Variants in FLVCR1 observed in about 807,000 individuals in gnomAD.
The protein encoded by FLVCR1 is FLVCR choline and heme transporter 1, also known as choline/ethanolamine transporter FLVCR1.
In FLVCR1, 34 loss-of-function variants were observed where a neutral mutation model predicts 53.6. The observed-to-expected ratio is 0.63, with a 90% CI of 0.48 to 0.84. The LOEUF is 0.84. Ranked by LOEUF, FLVCR1 falls within the 40% of genes least tolerant of loss-of-function variation. The pLI is 0.00. For missense variants in FLVCR1, 677 were observed against 696.7 expected, an observed-to-expected ratio of 0.97 and a Z score of 0.32; for synonymous variants, 300 against 286.3, an observed-to-expected ratio of 1.05 and a Z score of -0.48.
chr1:212,883,632 A>G (rs1237865574), intron 4 of FLVCR1, among the ~76,000 whole-genome samples, 194 bp downstream of exon 4: 2 of 152,210 alleles, frequency 1.3e-5, no homozygotes, highest in African/African-American at 4.8e-5. Flanking sequence ...GGCTTTTATT[A>G]TCAATTCGTT....
At chr1:212,893,128 T>G (rs2102574696) in intron 8 of FLVCR1, among the ~76,000 whole-genome samples, 1 of 150,814 alleles carries the variant, frequency 6.6e-6, no homozygotes, top group South Asian at 2.1e-4. Flanking sequence ...TGATCTCGGC[T>G]CACAGCAAGC....
chr1:212,877,167 G>A (rs1445838189), intron 3 of FLVCR1, among the ~76,000 whole-genome samples: 3 of 129,708 alleles, frequency 2.3e-5, no homozygotes, highest in Admixed American at 9.6e-5. Context: ...AGAGAGTCTC[G>A]CTCTGTCGCC....
intron 8 of FLVCR1, among the ~76,000 whole-genome samples, chr1:212,894,329 GT>G: frequency 6.6e-6 from 1 of 151,742 alleles, no homozygotes; most frequent in South Asian, 2.1e-4. Context: ...AATTTTTTGT[GT>G]TTTTAGTAGA....
At chr1:212,890,898 T>C (rs1665174849) in intron 8 of FLVCR1, among the ~76,000 whole-genome samples, 1 of 152,236 alleles carries the variant, frequency 6.6e-6, no homozygotes, top group Non-Finnish European at 1.5e-5. Flanking sequence ...GATAGGAACC[T>C]GAGCATTCAT....
At chr1:212,886,396 T>A (rs1407059754) in intron 5 of FLVCR1, among the ~76,000 whole-genome samples, 2 of 152,184 alleles carry the variant, frequency 1.3e-5, no homozygotes, top group African/African-American at 4.8e-5. Flanking sequence ...AAAAAGTAGT[T>A]CTTTCCAATC....
In FLVCR1 at chr1:212,865,912, T is replaced by C. The variant is rs534753076; in HGVS notation, c.883+2043T>C. Reference sequence around the variant, plus strand: ...CTCACTGCAATCTCTGCCTCCTGGGTTCAAGCAGTTCTCGTGCCTCAGCCT... The same window carrying C: ...CTCACTGCAATCTCTGCCTCCTGGGCTCAAGCAGTTCTCGTGCCTCAGCCT... On this transcript the variant is annotated intron_variant, in intron 2 of 9. Coordinates refer to ENST00000366971, the MANE Select transcript of FLVCR1 (RefSeq NM_014053.4). Among the ~76,000 whole-genome samples, 16 of 74,524 alleles carry C rather than the reference T, an allele frequency of 2.1e-4. 1 individual carries two copies. The highest frequency in any genetic ancestry group is 5.5e-4 in the African/African-American group (16 of 28,856). The allele number at this position is 74,524 out of a possible 152,430, so 48.9% of individuals were successfully genotyped here.
In FLVCR1 at chr1:212,887,973, A is replaced by G. The variant is rs755419588; in HGVS notation, c.1279A>G (p.Ile427Val). 11 of 1,598,946 alleles carry G rather than the reference A, an allele frequency of 6.9e-6. No individual in the cohort carries two copies. Among genetic ancestry groups the G allele is most frequent in the Admixed American group, 1.7e-5 (1 of 59,976 alleles). ...CACATTGGACCTTAGATATATTATC[A>G]TCGTGTTTGTTACTGGAGGGGTGCT... ...TFTLDLRYII[I>V]VFVTGGVLGF... Residue 427 changes from isoleucine (I) to valine (V), a missense_variant, in exon 6 of 10, where the codon ATC (isoleucine) becomes GTC (valine). Ile to Val is a conservative substitution (Grantham distance 29, BLOSUM62 3). Coordinates refer to ENST00000366971, the MANE Select transcript of FLVCR1 (RefSeq NM_014053.4).
chr1:212,875,441 A>G (rs1664725707), intron 3 of FLVCR1, among the ~76,000 whole-genome samples: 2 of 152,166 alleles, frequency 1.3e-5, no homozygotes, highest in Non-Finnish European at 2.9e-5. Context: ...TTGGATTTGA[A>G]TAGACAAAGG....
At chr1:212,861,733 G>A (rs142755274) in intron 1 of FLVCR1, among the ~76,000 whole-genome samples, 3,290 of 151,874 alleles carry the variant, frequency 0.022, 57 homozygotes, top group Middle Eastern at 0.034. Flanking sequence ...GCAGTGGCGC[G>A]ATCTTGGCTC....
chr1:212,859,245 A>T, intron 1 of FLVCR1, 55 bp downstream of exon 1: 1 of 1,613,064 alleles, frequency 6.2e-7, no homozygotes, highest in East Asian at 2.2e-5. Flanking sequence ...GGAAAAAGTC[A>T]TAGGCCGTGA....
intron 2 of FLVCR1, among the ~76,000 whole-genome samples, 170 bp downstream of exon 2, chr1:212,864,039 G>A (rs1205994282): frequency 6.6e-6 from 1 of 152,080 alleles, no homozygotes; most frequent in East Asian, 1.9e-4. Context: ...GGATGTTATG[G>A]CCCACTACAT....
intron 3 of FLVCR1, among the ~76,000 whole-genome samples, chr1:212,874,092 C>G (rs923837425): frequency 1.3e-5 from 2 of 152,178 alleles, no homozygotes; most frequent in Non-Finnish European, 2.9e-5. Flanking sequence ...ATTGCAACCT[C>G]TGCCTCCCGG....
intron 8 of FLVCR1, among the ~76,000 whole-genome samples, chr1:212,891,343 CTG>C: frequency 6.6e-6 from 1 of 151,404 alleles, no homozygotes; most frequent in East Asian, 2.0e-4. Context: ...ATCTGGGAGG[CTG>C]AGGCAGAAGA....
rs780815502 is a variant in FLVCR1, at chr1:212,896,154, G to C, written c.*864G>C. On this transcript the variant is annotated 3_prime_UTR_variant, in exon 10 of 10. Transcript: ENST00000366971. The stretch of plus-strand genomic sequence containing the variant: ...TCTCTTTTTTTTTTTTTCCTGATGT[G>C]TAACTTTCTAGTAAGATAATTTCAT... The C allele has an allele frequency of 3.5e-5, 5 of 143,890 alleles. No individual in the cohort carries two copies. Among genetic ancestry groups the C allele is most frequent in the Non-Finnish European group, 7.6e-5 (5 of 66,110 alleles). The allele number at this position is 143,890 out of a possible 1,614,324, so 8.9% of individuals were successfully genotyped here. A position where few individuals can be genotyped will look rare whatever the true frequency, so the allele number is the denominator to read the frequency against.
At chr1:212,875,381 CGG>C (rs1016259471) in intron 3 of FLVCR1, among the ~76,000 whole-genome samples, 5 of 152,078 alleles carry the variant, frequency 3.3e-5, no homozygotes, top group Admixed American at 3.3e-4. Flanking sequence ...TAGGGATGGC[CGG>C]GAGAGTCTCA....
In FLVCR1 at chr1:212,897,952, T is replaced by A. The variant is rs1665384146; in HGVS notation, c.*2662T>A. The stretch of plus-strand genomic sequence containing the variant: ...ATTGAAATTATAACATTCTCTATAA[T>A]CAAGTGACTGTAAATTATGTCGAAT... On this transcript the variant is annotated 3_prime_UTR_variant, in exon 10 of 10. Transcript: ENST00000366971. The A allele has an allele frequency of 6.6e-6, 1 of 152,186 alleles. No individual in the cohort carries two copies. The highest frequency in any genetic ancestry group is 2.1e-4 in the South Asian group (1 of 4,826). 9.4% of individuals were successfully genotyped at this position (152,186 alleles called of 1,614,324 possible).
Position 212,872,731 on chromosome 1 carries a change from G to T in FLVCR1, c.937G>T (p.Asp313Tyr), listed in dbSNP as rs139175550. The T allele has an allele frequency of 6.2e-7, 1 of 1,613,776 alleles. No individual in the cohort carries two copies. The highest frequency in any genetic ancestry group is 8.5e-7 in the Non-Finnish European group (1 of 1,179,862). ...PPSQAQAALQDSPPEEYSYKK... is the reference protein window; with the variant it reads ...PPSQAQAALQYSPPEEYSYKK... Reference sequence around the variant, plus strand: ...AAGTCAGGCTCAAGCAGCTCTTCAAGACAGTCCCCCTGAAGAGTACTCCTA... The same window carrying T: ...AAGTCAGGCTCAAGCAGCTCTTCAATACAGTCCCCCTGAAGAGTACTCCTA... The change falls in exon 3 of 10, where the codon GAC becomes TAC. Residue 313 changes from aspartate (D) to tyrosine (Y), a missense_variant. Transcript: ENST00000366971.
chr1:212,895,800 C>A lies in FLVCR1; in HGVS notation c.*510C>A, dbSNP rs1665318989. On this transcript the variant is annotated 3_prime_UTR_variant, in exon 10 of 10. Transcript: ENST00000366971. ...GCCACTTCAGTTTGAGTACAACATA[C>A]CAACATGACACTACTCACCCACAAA... is the stretch of plus-strand genomic sequence containing the variant. 6.0e-6 allele frequency: 1 copy of A among 167,236 alleles called. No individual in the cohort carries two copies. Among genetic ancestry groups the A allele is most frequent in the Non-Finnish European group, 1.3e-5 (1 of 76,962 alleles). The allele number at this position is 167,236 out of a possible 1,614,324, so 10.4% of individuals were successfully genotyped here. A position where few individuals can be genotyped will look rare whatever the true frequency, so the allele number is the denominator to read the frequency against.
At chr1:212,882,172 C>T (rs1664949219) in intron 3 of FLVCR1, among the ~76,000 whole-genome samples, 2 of 152,056 alleles carry the variant, frequency 1.3e-5, no homozygotes. Context: ...TGTATAAGAA[C>T]AAAAACATAA....
Sources: allele counts gnomAD v4.1 joint callset (sites outside exome capture counted in the v4.1 genomes callset), GRCh38; gene constraint gnomAD v4.1.1; transcripts MANE v1.5; gene names NCBI Gene and HGNC (gene_info 2026-07-23, HGNC 2026-07-21).